The following GNAO1 variants were observed in gnomAD, a reference collection of about 807,000 sequenced individuals.
GNAO1 encodes guanine nucleotide-binding protein G(o) subunit alpha.
For synonymous variants in GNAO1, 164 were observed against 180.7 expected (o/e 0.91, Z 0.74); for missense variants, 166 against 478.7 (o/e 0.35, Z 6.10).
At chr16:56,216,781 A>C (rs1373842183) in intron 2 of GNAO1, among the ~76,000 whole-genome samples, 4 of 152,252 alleles carry the variant, frequency 2.6e-5, no homozygotes, top group Non-Finnish European at 5.9e-5. Flanking sequence ...CTAGTGGTTC[A>C]GCAGGTAGGC....
chr16:56,232,900 T>C (rs2036604124), intron 2 of GNAO1, among the ~76,000 whole-genome samples: 1 of 152,198 alleles, frequency 6.6e-6, no homozygotes, highest in Non-Finnish European at 1.5e-5. Flanking sequence ...TTTTTATTGC[T>C]CTAAGAGCCT....
intron 2 of GNAO1, among the ~76,000 whole-genome samples, chr16:56,255,883 A>G (rs2036841707): frequency 6.6e-6 from 1 of 152,172 alleles, no homozygotes; most frequent in Admixed American, 6.5e-5. Context: ...CAGACCACCA[A>G]TTCACATCTC....
At chr16:56,222,024 G>A (rs2036494297) in intron 2 of GNAO1, among the ~76,000 whole-genome samples, 1 of 152,162 alleles carries the variant, frequency 6.6e-6, no homozygotes, top group African/African-American at 2.4e-5. Flanking sequence ...AAAAGAGCTG[G>A]AAGTCAAGCA....
intron 2 of GNAO1, among the ~76,000 whole-genome samples, chr16:56,273,083 T>A (rs2037032707): frequency 6.6e-6 from 1 of 152,232 alleles, no homozygotes; most frequent in Non-Finnish European, 1.5e-5. Context: ...TACTTTCAAA[T>A]AATATTATAT....
intron 3 of GNAO1, among the ~76,000 whole-genome samples, chr16:56,316,402 G>C (rs1174406575): frequency 6.6e-6 from 1 of 152,208 alleles, no homozygotes. Flanking sequence ...CCGAGAGGCT[G>C]TCTGTGCTTG....
chr16:56,264,636 T>A (rs2036934754), intron 2 of GNAO1, among the ~76,000 whole-genome samples: 1 of 152,118 alleles, frequency 6.6e-6, no homozygotes, highest in Admixed American at 6.5e-5. Flanking sequence ...TCTGGGGGAC[T>A]GATTTTGCCT....
intron 5 of GNAO1, 126 bp downstream of exon 5, chr16:56,334,983 G>A: frequency 2.1e-6 from 2 of 933,210 alleles, no homozygotes; most frequent in Non-Finnish European, 1.6e-6. Flanking sequence ...GCTGGGGCAG[G>A]CAGCTAGATA....
chr16:56,273,450 G>A (rs1440961788), intron 2 of GNAO1, among the ~76,000 whole-genome samples: 1 of 152,062 alleles, frequency 6.6e-6, no homozygotes, highest in African/African-American at 2.4e-5. Flanking sequence ...ATTTAAAATA[G>A]ATGTTTTAAA....
At chr16:56,291,523 G>A (rs2037232550) in intron 3 of GNAO1, among the ~76,000 whole-genome samples, 1 of 152,102 alleles carries the variant, frequency 6.6e-6, no homozygotes, top group Non-Finnish European at 1.5e-5. Context: ...TATGCGATTT[G>A]CAAATATTTT....
At chr16:56,206,997 T>C (rs2036336600) in intron 2 of GNAO1, among the ~76,000 whole-genome samples, 1 of 152,260 alleles carries the variant, frequency 6.6e-6, no homozygotes, top group Non-Finnish European at 1.5e-5. Context: ...AACCATCTGC[T>C]TCTTTTGTAT....
intron 2 of GNAO1, among the ~76,000 whole-genome samples, chr16:56,236,642 G>A (rs1364220): frequency 0.47 from 71,103 of 151,932 alleles, 16,848 homozygotes; most frequent in East Asian, 0.6. Context: ...TTCCTAGAGT[G>A]ACCTTTCCAA....
At position 56,319,009 on chromosome 16, in the gene GNAO1, A is replaced by G. The variant is rs984292103; in HGVS notation, c.304-9622A>G. ...CCAGGATTTGAACTTGGGTCACACA[A>G]TGAAAATCCCTGTTCATTTCCCCAT... On this transcript the variant is annotated intron_variant, in intron 3 of 8. Coordinates refer to ENST00000262493, the MANE Select transcript of GNAO1 (RefSeq NM_020988.3). Among the ~76,000 whole-genome samples the G allele has an allele frequency of 6.6e-5, 10 of 152,216 alleles. No individual in the cohort carries two copies. In the South Asian group the frequency reaches 1.0e-3, roughly 16 times the overall value.
chr16:56,297,211 C>A (rs2037295432), intron 3 of GNAO1, among the ~76,000 whole-genome samples: 1 of 152,166 alleles, frequency 6.6e-6, no homozygotes, highest in Non-Finnish European at 1.5e-5. Flanking sequence ...TGACCTCTTG[C>A]ACCAGAAACA....
At chr16:56,288,922 C>T (rs56362389) in intron 3 of GNAO1, among the ~76,000 whole-genome samples, 40,852 of 151,908 alleles carry the variant, frequency 0.27, 6,399 homozygotes, top group East Asian at 0.64. Flanking sequence ...CACCGAAGAT[C>T]GCCCCTCCCC....
intron 3 of GNAO1, among the ~76,000 whole-genome samples, chr16:56,281,836 T>TG (rs1373486860): frequency 1.3e-5 from 2 of 152,020 alleles, no homozygotes; most frequent in Non-Finnish European, 2.9e-5. Flanking sequence ...ACTGGACCAG[T>TG]GGGGGGGATG....
intron 6 of GNAO1, chr16:56,346,265 C>T: frequency 2.0e-6 from 2 of 985,406 alleles, no homozygotes; most frequent in South Asian, 9.4e-5. Context: ...CTGAGGGTGA[C>T]AAATGAGATT....
At chr16:56,240,296 T>C (rs2036682707) in intron 2 of GNAO1, among the ~76,000 whole-genome samples, 1 of 152,054 alleles carries the variant, frequency 6.6e-6, no homozygotes, top group South Asian at 2.1e-4. Context: ...GTCTGTATGG[T>C]CATGGAAGGA....
chr16:56,336,779 T>C lies in GNAO1; in HGVS notation c.642T>C (p.His214=). 6.2e-7 allele frequency: 1 copy of C among 1,611,552 alleles called. No homozygotes were observed. The highest frequency in any genetic ancestry group is 1.3e-5 in the African/African-American group (1 of 74,992). Residue 214 remains histidine (H), a synonymous_variant, in exon 6 of 9, where the codon CAT becomes CAC. Transcript: ENST00000262493. Reference sequence around the variant, plus strand: ...GATCTGAACGCAAGAAGTGGATCCATTGCTTCGAGGACGTCACGGCCATCA... The same window carrying C: ...GATCTGAACGCAAGAAGTGGATCCACTGCTTCGAGGACGTCACGGCCATCA... ...GQRSERKKWI[H]CFEDVTAIIF...
chr16:56,264,629 G>T (rs1272243895), intron 2 of GNAO1, among the ~76,000 whole-genome samples: 1 of 151,948 alleles, frequency 6.6e-6, no homozygotes, highest in Non-Finnish European at 1.5e-5. Flanking sequence ...TCATTCCTCT[G>T]GGGGACTGAT....
Sources: gnomAD v4.1 joint callset for allele counts (sites outside exome capture counted in the v4.1 genomes callset) on GRCh38, gnomAD v4.1.1 for gene constraint, MANE v1.5 for transcripts, NCBI Gene and HGNC (gene_info 2026-07-23, HGNC 2026-07-21) for gene names.